VRK1: variants seen among roughly 807,000 people sequenced by gnomAD.
VRK1 encodes the protein VRK serine/threonine kinase 1.
A neutral mutation model predicts 57.1 loss-of-function variants in VRK1; 33 were observed. The observed-to-expected ratio is 0.58, with a 90% confidence interval of 0.44 to 0.77. VRK1 has a LOEUF of 0.77. Ranked by LOEUF, VRK1 falls within the 30% of genes least tolerant of loss-of-function variation. VRK1 has a pLI of 0.00. For synonymous variants in VRK1, 137 were observed against 147.8 expected, an observed-to-expected ratio of 0.93 and a Z score of 0.53; for missense variants, 413 against 477.3, an observed-to-expected ratio of 0.87 and a Z score of 1.25.
intron 10 of VRK1, among the ~76,000 whole-genome samples, chr14:96,858,157 C>T (rs1400721928): frequency 2.0e-5 from 3 of 152,058 alleles, no homozygotes; most frequent in African/African-American, 7.2e-5. Flanking sequence ...GCAGCCTTGA[C>T]CTCCTGAGCT....
At chr14:96,860,473 C>T in intron 10 of VRK1, 84 bp from the exon 11 acceptor site, 2 of 1,356,196 alleles carry the variant, frequency 1.5e-6, no homozygotes, top group Non-Finnish European at 2.0e-6. Flanking sequence ...TGCATTCTAA[C>T]TTTACTATAA....
intron 11 of VRK1, among the ~76,000 whole-genome samples, chr14:96,864,294 A>G (rs1438472414): frequency 6.6e-6 from 1 of 152,204 alleles, no homozygotes; most frequent in Non-Finnish European, 1.5e-5. Flanking sequence ...CTTTTACACA[A>G]TACTCATTTA....
intron 5 of VRK1, among the ~76,000 whole-genome samples, chr14:96,849,005 C>G (rs1343651576): frequency 6.6e-6 from 1 of 152,122 alleles, no homozygotes; most frequent in African/African-American, 2.4e-5. Context: ...GGCCGTCTTC[C>G]TGTAGCAGAG....
intron 5 of VRK1, among the ~76,000 whole-genome samples, chr14:96,849,739 T>C (rs762011000): frequency 2.0e-5 from 3 of 152,248 alleles, no homozygotes; most frequent in Admixed American, 6.5e-5. Context: ...TGTTTGTCTA[T>C]GATTTTTGTT....
At chr14:96,844,538 T>C (rs1293104086) in intron 3 of VRK1, among the ~76,000 whole-genome samples, 1 of 152,184 alleles carries the variant, frequency 6.6e-6, no homozygotes, top group African/African-American at 2.4e-5. Flanking sequence ...CGTTTTCCTC[T>C]AAGTACTTTA....
chr14:96,837,063 A>G (rs913160040), intron 2 of VRK1, among the ~76,000 whole-genome samples: 5 of 152,190 alleles, frequency 3.3e-5, no homozygotes, highest in South Asian at 2.1e-4. Context: ...TACCACTGAA[A>G]TGGTGGCTTT....
chr14:96,845,396 C>A (rs977185376), intron 3 of VRK1, among the ~76,000 whole-genome samples: 1 of 152,128 alleles, frequency 6.6e-6, no homozygotes, highest in Non-Finnish European at 1.5e-5. Context: ...TGTGCAAATA[C>A]GTTTTTGTGA....
chr14:96,804,916 A>G (rs1441426157), intron 1 of VRK1, among the ~76,000 whole-genome samples: 1 of 152,232 alleles, frequency 6.6e-6, no homozygotes, highest in Admixed American at 6.5e-5. Flanking sequence ...AGGACTTCCA[A>G]ACTGTTTCGT....
In VRK1 at chr14:96,856,454, A is replaced by G. The variant is rs1888157291; in HGVS notation, c.831-74A>G. On this transcript the variant is annotated intron_variant, in intron 9 of 12. Coordinates refer to ENST00000216639, the MANE Select transcript of VRK1 (RefSeq NM_003384.3). Reference sequence around the variant, plus strand: ...TTAGGATGTAGCACAATATAGCTTAATGTGCTATATATTTTTATTTCATAT... The same window carrying G: ...TTAGGATGTAGCACAATATAGCTTAGTGTGCTATATATTTTTATTTCATAT... 5 of 1,382,362 alleles carry G rather than the reference A, an allele frequency of 3.6e-6. No homozygotes were observed. In the Admixed American group the frequency reaches 9.1e-5, roughly 25 times the overall value. 85.6% of individuals were successfully genotyped at this position (1,382,362 alleles called of 1,614,324 possible).
At position 96,819,688 on chromosome 14, in the gene VRK1, A is replaced by G. The variant is rs574449905; in HGVS notation, c.-5-13779A>G. Among the ~76,000 whole-genome samples the G allele has an allele frequency of 1.4e-3, 219 of 152,314 alleles. 1 individual carries two copies. Among genetic ancestry groups the G allele is most frequent in the Non-Finnish European group, 6.0e-4 (41 of 68,034 alleles). ...GTAAAAATCCGTGTTTTGGGATTCG[A>G]TGAACTCTTGGAAAGCATTTTCTGC... On this transcript the variant is annotated intron_variant, in intron 1 of 12. Coordinates refer to ENST00000216639, the MANE Select transcript of VRK1 (RefSeq NM_003384.3).
chr14:96,843,751 T>G (rs183203916), intron 3 of VRK1, among the ~76,000 whole-genome samples: 2 of 152,320 alleles, frequency 1.3e-5, no homozygotes, highest in East Asian at 3.9e-4. Flanking sequence ...AGTTATGAGT[T>G]AAGGTATTTT....
At chr14:96,827,063 A>G (rs2139733425) in intron 1 of VRK1, among the ~76,000 whole-genome samples, 1 of 152,170 alleles carries the variant, frequency 6.6e-6, no homozygotes, top group Non-Finnish European at 1.5e-5. Flanking sequence ...GCACATTAAT[A>G]AGCCTTTGTC....
Position 96,832,804 on chromosome 14 carries a change from G to T in VRK1, c.-5-663G>T, listed in dbSNP as rs530974153. Reference sequence around the variant, plus strand: ...TTTTCCTGTCACTCTTGAAAGTTGTGCTCCTTCCTCACAGTGACTTCCATA... The same window carrying T: ...TTTTCCTGTCACTCTTGAAAGTTGTTCTCCTTCCTCACAGTGACTTCCATA... On this transcript the variant is annotated intron_variant, in intron 1 of 12. Transcript: ENST00000216639. Among the ~76,000 whole-genome samples the T allele has an allele frequency of 3.3e-5, 5 of 151,902 alleles. No homozygotes were observed. The South Asian group carries it at 1.0e-3, about 31-fold the overall frequency.
chr14:96,797,876 A>T (rs1306842119), intron 1 of VRK1, among the ~76,000 whole-genome samples: 2 of 152,184 alleles, frequency 1.3e-5, no homozygotes, highest in Non-Finnish European at 2.9e-5. Flanking sequence ...GAAACAACAC[A>T]CGCAGCTGCG....
intron 4 of VRK1, 103 bp from the exon 5 acceptor site, chr14:96,847,154 A>G (rs1887734034): frequency 1.2e-6 from 1 of 851,312 alleles, no homozygotes; most frequent in South Asian, 1.5e-5. Context: ...ATACAGGTGA[A>G]TTCTTATTGC....
intron 1 of VRK1, among the ~76,000 whole-genome samples, chr14:96,801,192 A>G (rs1175166215): frequency 6.6e-6 from 1 of 152,208 alleles, no homozygotes; most frequent in Admixed American, 6.5e-5. Context: ...AAGAGATTGC[A>G]TTATCTAATT....
chr14:96,836,495 C>CA (rs943336782), intron 2 of VRK1, among the ~76,000 whole-genome samples: 8 of 148,730 alleles, frequency 5.4e-5, no homozygotes, highest in African/African-American at 2.0e-4. Flanking sequence ...CCAAACATGT[C>CA]AAGCACACTC....
chr14:96,842,515 C>T (rs1441485984), intron 3 of VRK1, among the ~76,000 whole-genome samples: 2 of 151,982 alleles, frequency 1.3e-5, no homozygotes, highest in Non-Finnish European at 2.9e-5. Context: ...TGAAGGTTGT[C>T]TTATAAAATG....
chr14:96,836,518 C>CTTT (rs10560354), intron 2 of VRK1, among the ~76,000 whole-genome samples: 48 of 89,466 alleles, frequency 5.4e-4, no homozygotes, highest in East Asian at 1.1e-3. Flanking sequence ...ACATCAGGGT[C>CTTT]TTTTTTTTTT....
Sources: allele counts gnomAD v4.1 joint callset (sites outside exome capture counted in the v4.1 genomes callset), GRCh38; gene constraint gnomAD v4.1.1; transcripts MANE v1.5; gene names NCBI Gene and HGNC (gene_info 2026-07-23, HGNC 2026-07-21).